Variants in KIAA1210 observed in about 807,000 individuals in gnomAD.
KIAA1210 encodes KIAA1210, also known as acrosomal protein KIAA1210.
Under a neutral mutation model 78.9 loss-of-function variants are expected in KIAA1210, and 48 were observed. That is an observed-to-expected ratio of 0.61 (90% confidence interval 0.48 to 0.77). The LOEUF is 0.77. Ranked by LOEUF, KIAA1210 falls within the 30% of genes least tolerant of loss-of-function variation. The pLI is 0.00. For missense variants in KIAA1210, 1,108 were observed against 1,100.0 expected (o/e 1.01, Z -0.10); for synonymous variants, 406 against 404.5 (o/e 1.00, Z -0.04).
rs1463574017 is a variant in KIAA1210, at chrX:119,098,875, G to A, written c.649-2184C>T. ...AGTACCTCCAACTGTGCTTGTAGTA[G>A]TTGCACAAGCACTACATGGTAGTTG... is the stretch of plus-strand genomic sequence containing the variant. On this transcript the variant is annotated intron_variant, in intron 6 of 11. Transcript: ENST00000691062. 1.4e-4 allele frequency among the ~76,000 whole-genome samples: 16 copies of A among 111,917 alleles called. 1 individual carries two copies. In the Admixed American group the frequency reaches 1.5e-3, roughly 11 times the overall value.
chrX:119,116,152 T>C (rs1928254708), intron 3 of KIAA1210, among the ~76,000 whole-genome samples: 1 of 112,057 alleles, frequency 8.9e-6, no homozygotes, highest in African/African-American at 3.2e-5. Context: ...CTTCAGCTCC[T>C]CATTGGCTGC....
chrX:119,108,412 A>C lies in KIAA1210; in HGVS notation c.417T>G (p.Ser139=), dbSNP rs899932781. The C allele has an allele frequency of 4.1e-6, 5 of 1,208,705 alleles. No homozygotes were observed. The highest frequency in any genetic ancestry group is 5.6e-6 in the Non-Finnish European group (5 of 894,569). Residue 139 remains serine (S), a synonymous_variant, in exon 5 of 12, where the codon TCT becomes TCG. Coordinates refer to ENST00000691062, the MANE Select transcript of KIAA1210 (RefSeq NM_001394962.1). ...GAAGCACAGCTCCTGACATGGCTCC[A>C]GACACAACTCCAGGAACCTTACTCC... The part of the protein sequence containing the change: ...KPRSKVPGVV[S]GAMSGAVLQN...
rs1428241104 is a variant in KIAA1210, at chrX:119,081,404, T to G, written c.4527A>C (p.Pro1509=). The change falls in exon 12 of 12, where the codon CCA becomes CCC. Residue 1509 remains proline, a synonymous_variant. Transcript: ENST00000691062. ...CCAGTGAGAACCAGACAGGCTCAAT[T>G]GGCTCAACTGGGTTCTGGAACTTGG... The part of the protein sequence containing the change: ...LPAKFQNPVE[P]IEPVWFSLAR... The G allele has an allele frequency of 4.1e-6, 5 of 1,210,566 alleles. No individual in the cohort carries two copies. The highest frequency in any genetic ancestry group is 4.5e-6 in the Non-Finnish European group (4 of 894,610).
In KIAA1210 at chrX:119,083,214, C is replaced by T. The variant is rs1017398443; in HGVS notation, c.4321-94G>A. On this transcript the variant is annotated intron_variant, in intron 10 of 11. Transcript: ENST00000691062. ...AGGACCATAGAGTGCAAGCCCTGTC[C>T]TGGGTACTATGAGTTTAACAGTATC... 3.4e-5 allele frequency: 19 copies of T among 561,470 alleles called. No homozygotes were observed. The Admixed American group carries it at 5.4e-4, about 16-fold the overall frequency. The allele number at this position is 561,470 out of a possible 1,213,427, so 46.3% of individuals were successfully genotyped here. A position where few individuals can be genotyped will look rare whatever the true frequency, so the allele number is the denominator to read the frequency against.
At chrX:119,115,028 T>C (rs930380884) in intron 3 of KIAA1210, among the ~76,000 whole-genome samples, 4 of 111,603 alleles carry the variant, frequency 3.6e-5, no homozygotes, top group Non-Finnish European at 5.6e-5. Flanking sequence ...GCTGGTCCTA[T>C]GGTACAGGCC....
At chrX:119,106,129 T>G (rs1047958832) in intron 5 of KIAA1210, among the ~76,000 whole-genome samples, 4 of 111,561 alleles carry the variant, frequency 3.6e-5, no homozygotes, top group African/African-American at 9.8e-5. Context: ...GTGTCTCCAG[T>G]GCTTCCTTAT....
In KIAA1210 at chrX:119,088,852, G is replaced by A. The variant is rs1005213272; in HGVS notation, c.1850C>T (p.Ser617Phe). Residue 617 changes from serine (S) to phenylalanine (F), a missense_variant, in exon 9 of 12, where the codon TCT (serine) becomes TTT (phenylalanine). Physicochemically the swap from Ser to Phe is radical, Grantham distance 155 (BLOSUM62 -2). Coordinates refer to ENST00000691062, the MANE Select transcript of KIAA1210 (RefSeq NM_001394962.1). Reference protein sequence around the residue: ...SENIPEEGDGSEELAHGHSSQ... With the variant: ...SENIPEEGDGFEELAHGHSSQ... The stretch of plus-strand genomic sequence containing the variant: ...AGAGTGACCATGAGCCAGTTCTTCA[G>A]AACCATCCCCCTCCTCAGGAATATT... 9 of 1,209,642 alleles carry A rather than the reference G, an allele frequency of 7.4e-6. No individual in the cohort carries two copies. The highest frequency in any genetic ancestry group is 1.7e-5 in the African/African-American group (1 of 57,187).
At chrX:119,125,548 C>T (rs970317626) in intron 1 of KIAA1210, among the ~76,000 whole-genome samples, 2 of 101,312 alleles carry the variant, frequency 2.0e-5, no homozygotes, top group Admixed American at 1.1e-4. Context: ...GAAATCAATG[C>T]TGACATTATT....
rs1177769767 is a variant in KIAA1210, at chrX:119,140,975, A to G, written c.410+6498T>C. On this transcript the variant is annotated intron_variant, in intron 2 of 13. Transcript: ENST00000402510. ...TCTTTCCGTTAACAGGTTTCTGGAT[A>G]CCCCTCCAACTATCACAAATGAACA... Among the ~76,000 whole-genome samples the G allele has an allele frequency of 5.3e-5, 6 of 112,185 alleles. No homozygotes were observed. The Admixed American group carries it at 5.7e-4, about 11-fold the overall frequency.
Position 119,088,039 on chromosome X carries a change from A to C in KIAA1210, c.2663T>G (p.Leu888Arg). ...TTCTGCAGAAGTACTCATTGAGTCC[A>C]GGAACTTAGGCCTCTCCGAGGGCTG... ...LSQPSERPKF[L>R]DSMSTSAEWS... The change falls in exon 9 of 12, where the codon CTG (leucine) becomes CGG (arginine). Residue 888 changes from leucine (L) to arginine (R), a missense_variant. Physicochemically the swap from Leu to Arg is moderately radical, Grantham distance 102. This residue lies in a region of KIAA1210 where 179 missense variants were observed against 174.1 expected (regional missense o/e 1.03). Transcript: ENST00000691062. The C allele has an allele frequency of 8.3e-7, 1 of 1,211,361 alleles. No individual in the cohort carries two copies. The highest frequency in any genetic ancestry group is 1.1e-6 in the Non-Finnish European group (1 of 895,346).
At chrX:119,104,850 T>G (rs1178227627) in intron 6 of KIAA1210, 142 bp downstream of exon 6, 1 of 499,073 alleles carries the variant, frequency 2.0e-6, no homozygotes, top group Non-Finnish European at 3.2e-6. Context: ...AAAACCACCA[T>G]GCAAATCAAA....
Position 119,088,151 on chromosome X carries a change from T to C in KIAA1210, c.2551A>G (p.Thr851Ala), listed in dbSNP as rs1254120215. The change falls in exon 9 of 12, where the codon ACA becomes GCA. Residue 851 changes from threonine to alanine, a missense_variant. Physicochemically the swap from Thr to Ala is moderately conservative, Grantham distance 58 (BLOSUM62 0). Transcript: ENST00000691062. The stretch of plus-strand genomic sequence containing the variant: ...GAGATTTGCCGGATTTGAGGATCTG[T>C]CAAGGACTGAGGAGAATATCTGGGG... ...LLPRYSPQSL[T>A]DPQIRQISES... 1 of 1,211,686 alleles carries C rather than the reference T, an allele frequency of 8.3e-7. No individual in the cohort carries two copies. The highest frequency in any genetic ancestry group is 1.8e-5 in the South Asian group (1 of 56,961).
intron 6 of KIAA1210, among the ~76,000 whole-genome samples, chrX:119,104,233 C>G (rs1217790584): frequency 8.9e-6 from 1 of 112,023 alleles, no homozygotes; most frequent in Non-Finnish European, 1.9e-5. Context: ...AGCCCAGATC[C>G]ATAAAACAAT....
At chrX:119,131,129 G>A (rs1329936098), upstream of KIAA1210, among the ~76,000 whole-genome samples, 1 of 111,999 alleles carries the variant, frequency 8.9e-6, no homozygotes, top group African/African-American at 3.2e-5. Flanking sequence ...CTGGCCTCAT[G>A]TTGTTGGTTT....
At chrX:119,136,571 A>G (rs968424920) in intron 2 of KIAA1210, among the ~76,000 whole-genome samples, 52 of 111,985 alleles carry the variant, frequency 4.6e-4, no homozygotes, top group African/African-American at 1.6e-3. Context: ...TCATGCCTGC[A>G]ATCCCAGCAC....
rs769976279 is a variant in KIAA1210 at position 119,088,997 on chromosome X, C to T, written c.1705G>A (p.Val569Ile). 11 of 1,210,707 alleles carry T rather than the reference C, an allele frequency of 9.1e-6. No homozygotes were observed. In the Admixed American group the frequency reaches 2.0e-4, roughly 22 times the overall value. ...GCTGTAGTACTTGTCATACCCAAAA[C>T]ACTTGCTGTAAAGGTCTGGTGAACA... ...GNVHQTFTAS[V>I]LGMTSTTAKG... Residue 569 changes from valine to isoleucine, a missense_variant, in exon 9 of 12, where the codon GTT becomes ATT. By Grantham distance (29) the Val-to-Ile change is conservative (BLOSUM62 3). Transcript: ENST00000691062.
chrX:119,102,030 T>C (rs1360718112), intron 6 of KIAA1210, among the ~76,000 whole-genome samples: 1 of 112,917 alleles, frequency 8.9e-6, no homozygotes, highest in African/African-American at 3.2e-5. Context: ...TGATAAATGT[T>C]AGCTGTCGTT....
At chrX:119,117,731 C>T (rs946107149) in intron 2 of KIAA1210, among the ~76,000 whole-genome samples, 1 of 109,285 alleles carries the variant, frequency 9.2e-6, no homozygotes, top group Admixed American at 9.8e-5. Context: ...ACTATAAGCA[C>T]GCACCACCAC....
chrX:119,138,518 C>G (rs1045843272), intron 2 of KIAA1210, among the ~76,000 whole-genome samples: 1 of 111,442 alleles, frequency 9.0e-6, no homozygotes, highest in Non-Finnish European at 1.9e-5. Context: ...TGCGCCAGGC[C>G]GAGAAGGCGG....
Sources: allele counts gnomAD v4.1 joint callset (sites outside exome capture counted in the v4.1 genomes callset), GRCh38; gene constraint gnomAD v4.1.1; regional missense constraint gnomAD v4.1.1; transcripts MANE v1.5; gene names NCBI Gene and HGNC (gene_info 2026-07-23, HGNC 2026-07-21).